The following RAMP1 variants were observed in gnomAD, a reference collection of about 807,000 sequenced individuals.
RAMP1 encodes receptor activity-modifying protein 1.
RAMP1 carries 7 observed loss-of-function variants against 8.2 expected under a neutral mutation model. That is an observed-to-expected ratio of 0.85 (90% CI 0.49 to 1.60). RAMP1 has a LOEUF of 1.60. Ranked by LOEUF, RAMP1 falls within the 40% of genes most tolerant of loss-of-function variation. RAMP1 has a pLI of 0.00. For synonymous variants in RAMP1, 92 were observed against 84.7 expected (o/e 1.09, Z -0.47); for missense variants, 192 against 202.4 (o/e 0.95, Z 0.31).
chr2:237,870,280 T>TCG (rs2062231971), intron 1 of RAMP1, among the ~76,000 whole-genome samples: 1 of 152,206 alleles, frequency 6.6e-6, no homozygotes, highest in Non-Finnish European at 1.5e-5. Flanking sequence ...CTGGTGACCC[T>TCG]GGGCAGGCCA....
chr2:237,880,210 C>T (rs1007468175), intron 2 of RAMP1, among the ~76,000 whole-genome samples: 3 of 152,066 alleles, frequency 2.0e-5, no homozygotes, highest in Admixed American at 6.6e-5. Flanking sequence ...TGACACTAAT[C>T]AGGTGGCTTT....
intron 1 of RAMP1, among the ~76,000 whole-genome samples, chr2:237,867,647 CAGG>C (rs1180447508): frequency 3.3e-5 from 5 of 152,178 alleles, no homozygotes; most frequent in Non-Finnish European, 5.9e-5. Flanking sequence ...GGCTGTGACA[CAGG>C]AGAAGTGGTC....
rs6753917 is a variant in RAMP1, at chr2:237,886,876, G to A, written c.191+9514G>A. ...CGGCAGTGAGTGAAAGGGTGGGCAG[G>A]TGGAACACGTCTGGTGGCGGGGGCT... On this transcript the variant is annotated intron_variant, in intron 2 of 2. Transcript: ENST00000254661. Among the ~76,000 whole-genome samples, 1,341 of 152,342 alleles carry A rather than the reference G, an allele frequency of 8.8e-3. 21 individuals are homozygous for A. The highest frequency in any genetic ancestry group is 0.031 in the African/African-American group (1,286 of 41,564).
intron 1 of RAMP1, among the ~76,000 whole-genome samples, chr2:237,866,115 C>T (rs1334100806): frequency 6.6e-6 from 1 of 152,080 alleles, no homozygotes; most frequent in African/African-American, 2.4e-5. Flanking sequence ...TCAAGACCAC[C>T]GGCTCGAGAA....
chr2:237,905,595 C>T (rs1034690303), intron 2 of RAMP1, among the ~76,000 whole-genome samples: 5 of 152,212 alleles, frequency 3.3e-5, no homozygotes, highest in Admixed American at 6.5e-5. Context: ...GCCACAGCTC[C>T]GCTCCTCAGA....
chr2:237,897,501 T>G (rs1274009297), intron 2 of RAMP1, among the ~76,000 whole-genome samples: 2 of 152,198 alleles, frequency 1.3e-5, no homozygotes, highest in East Asian at 1.9e-4. Flanking sequence ...CCTCCCAAGA[T>G]TCTTTCTTTG....
chr2:237,888,381 G>A (rs1260592092), intron 2 of RAMP1, among the ~76,000 whole-genome samples: 1 of 152,088 alleles, frequency 6.6e-6, no homozygotes, highest in African/African-American at 2.4e-5. Context: ...ATTTTTGCCA[G>A]TTGTTCCTCT....
chr2:237,859,654 C>A lies in RAMP1; in HGVS notation c.-22C>A. The A allele has an allele frequency of 6.9e-7, 1 of 1,454,248 alleles. No homozygotes were observed. The highest frequency in any genetic ancestry group is 1.4e-5 in the South Asian group (1 of 73,082). 90.1% of individuals were successfully genotyped at this position (1,454,248 alleles called of 1,614,324 possible). A position where few individuals can be genotyped will look rare whatever the true frequency, so the allele number is the denominator to read the frequency against. On this transcript the variant is annotated 5_prime_UTR_variant, in exon 1 of 3. Coordinates refer to ENST00000254661, the MANE Select transcript of RAMP1 (RefSeq NM_005855.4). ...CAGCGGGGCGCGTGGCGAGCGGACT[C>A]GACTCGGCACCGCTGTGCACCATGG...
Position 237,911,883 on chromosome 2 carries a change from A to G in RAMP1, c.*100A>G, listed in dbSNP as rs1355235708. ...TGGAGCCTTGGGACAGAGCAGGCCC[A>G]CAATGCCCCCCTTCTTCCAGCCAAG... On this transcript the variant is annotated 3_prime_UTR_variant, in exon 3 of 3. Coordinates refer to ENST00000254661, the MANE Select transcript of RAMP1 (RefSeq NM_005855.4). The G allele has an allele frequency of 9.7e-6, 14 of 1,441,754 alleles. No individual in the cohort carries two copies. The highest frequency in any genetic ancestry group is 2.8e-5 in the African/African-American group (2 of 70,254). The allele number at this position is 1,441,754 out of a possible 1,614,324, so 89.3% of individuals were successfully genotyped here.
At chr2:237,863,082 G>A (rs749673319) in intron 1 of RAMP1, among the ~76,000 whole-genome samples, 12 of 152,150 alleles carry the variant, frequency 7.9e-5, no homozygotes, top group Non-Finnish European at 1.5e-4. Flanking sequence ...CGAGAATGGC[G>A]TACCTGGGGG....
chr2:237,895,466 C>T (rs2062532467), intron 2 of RAMP1, among the ~76,000 whole-genome samples: 1 of 152,176 alleles, frequency 6.6e-6, no homozygotes, highest in South Asian at 2.1e-4. Context: ...TGTTTCCTGG[C>T]CTGGCCTTTC....
intron 2 of RAMP1, among the ~76,000 whole-genome samples, chr2:237,895,816 C>T (rs999948757): frequency 3.3e-5 from 5 of 152,164 alleles, no homozygotes; most frequent in Non-Finnish European, 7.4e-5. Context: ...GGACAATGCC[C>T]CCAGGGTGTT....
chr2:237,908,562 C>T (rs1441635442), intron 2 of RAMP1, among the ~76,000 whole-genome samples: 1 of 152,064 alleles, frequency 6.6e-6, no homozygotes, highest in African/African-American at 2.4e-5. Flanking sequence ...CTCAGACTCC[C>T]TCGTAGCTGG....
At chr2:237,904,710 A>C (rs1191206959) in intron 2 of RAMP1, among the ~76,000 whole-genome samples, 2 of 152,252 alleles carry the variant, frequency 1.3e-5, no homozygotes, top group African/African-American at 2.4e-5. Context: ...CTTTTGCTTA[A>C]GTATAAACTC....
chr2:237,865,037 G>T lies in RAMP1; in HGVS notation c.52+5310G>T, dbSNP rs912873444. Among the ~76,000 whole-genome samples, 2 of 152,160 alleles carry T rather than the reference G, an allele frequency of 1.3e-5. No homozygotes were observed. Among genetic ancestry groups the T allele is most frequent in the African/African-American group, 4.8e-5 (2 of 41,432 alleles). ...AAAACCTTGAAGGACATTAAAGGGG[G>T]TGACAGGACAGAAGGTGTGGTTTAA... On this transcript the variant is annotated intron_variant, in intron 1 of 2. Transcript: ENST00000254661. This position sits in a 1 kb window ranked among gnomAD's most constrained non-coding sequence, Gnocchi z 4.2.
intron 2 of RAMP1, among the ~76,000 whole-genome samples, chr2:237,895,655 G>A (rs577945472): frequency 2.4e-4 from 37 of 152,254 alleles, no homozygotes; most frequent in Admixed American, 1.8e-3. Context: ...CGTGAAGCCC[G>A]GCAGGGGTCC....
At chr2:237,870,179 G>A (rs945315911) in intron 1 of RAMP1, among the ~76,000 whole-genome samples, 44 of 152,356 alleles carry the variant, frequency 2.9e-4, no homozygotes, top group Middle Eastern at 3.4e-3. Flanking sequence ...GATGTTCCCC[G>A]GAGTCACTTA....
At chr2:237,861,090 G>T (rs925505555) in intron 1 of RAMP1, among the ~76,000 whole-genome samples, 1 of 152,130 alleles carries the variant, frequency 6.6e-6, no homozygotes, top group Non-Finnish European at 1.5e-5. Flanking sequence ...CTGGGTTGTG[G>T]AATATTTTTT....
intron 2 of RAMP1, among the ~76,000 whole-genome samples, chr2:237,891,434 G>T (rs1009853294): frequency 2.0e-5 from 3 of 152,248 alleles, no homozygotes; most frequent in African/African-American, 7.2e-5. Flanking sequence ...ACAGGCGTGA[G>T]CCACCGCGCC....
Sources: gnomAD v4.1 joint callset for allele counts (sites outside exome capture counted in the v4.1 genomes callset) on GRCh38, gnomAD v4.1.1 for gene constraint, Gnocchi (gnomAD v3.1) non-coding constraint, MANE v1.5 for transcripts, NCBI Gene and HGNC (gene_info 2026-07-23, HGNC 2026-07-21) for gene names.